The following DLGAP2 variants were observed in gnomAD, a reference collection of about 807,000 sequenced individuals.
DLGAP2 encodes the protein DLG associated protein 2, also known as disks large-associated protein 2.
DLGAP2 carries 26 observed loss-of-function variants against 100.3 expected under a neutral mutation model. That is an observed-to-expected ratio of 0.26 (90% CI 0.19 to 0.36). The LOEUF (loss-of-function observed/expected upper bound fraction) is 0.36, where lower values mean the gene tolerates loss of function less well. DLGAP2 is among the 10% of genes least tolerant of loss of function. DLGAP2 has a pLI of 1.00. For synonymous variants in DLGAP2, 886 were observed against 630.1 expected, an observed-to-expected ratio of 1.41 and a Z score of -6.08; for missense variants, 1,858 against 1,453.2, an observed-to-expected ratio of 1.28 and a Z score of -4.53.
At chr8:1,202,018 T>A (rs1797887186) in intron 2 of DLGAP2, among the ~76,000 whole-genome samples, 1 of 151,484 alleles carries the variant, frequency 6.6e-6, no homozygotes, top group African/African-American at 2.4e-5. Flanking sequence ...CACATGTGTC[T>A]ATGTACATGT....
chr8:830,959 A>G (rs1244461516), intron 1 of DLGAP2, among the ~76,000 whole-genome samples: 2 of 148,252 alleles, frequency 1.3e-5, no homozygotes, highest in Non-Finnish European at 3.0e-5. Flanking sequence ...GCAGTGGCAC[A>G]ATCTCAGCTC....
At chr8:983,747 A>G (rs906582300) in intron 2 of DLGAP2, among the ~76,000 whole-genome samples, 6 of 151,998 alleles carry the variant, frequency 3.9e-5, no homozygotes, top group African/African-American at 1.2e-4. Context: ...GGCTCAAGCA[A>G]TCCTTTCACC....
chr8:1,095,439 G>T (rs986762369), intron 2 of DLGAP2, among the ~76,000 whole-genome samples: 2 of 152,172 alleles, frequency 1.3e-5, no homozygotes, highest in African/African-American at 4.8e-5. Context: ...GGCTGCTTCC[G>T]GTTACACTTG....
chr8:1,546,685 A>T (rs2130506800), intron 4 of DLGAP2, among the ~76,000 whole-genome samples: 1 of 152,254 alleles, frequency 6.6e-6, no homozygotes, highest in East Asian at 1.9e-4. Flanking sequence ...TTTCCCTGGC[A>T]TCCATGTTGC....
intron 1 of DLGAP2, among the ~76,000 whole-genome samples, chr8:890,948 G>A (rs1210507994): frequency 1.3e-5 from 2 of 152,094 alleles, no homozygotes; most frequent in Admixed American, 6.5e-5. Context: ...GCCCCTTACT[G>A]GCTCCCCCTT....
intron 2 of DLGAP2, among the ~76,000 whole-genome samples, chr8:1,242,738 G>A (rs1318934746): frequency 1.3e-5 from 2 of 152,172 alleles, no homozygotes; most frequent in South Asian, 2.1e-4. Context: ...ATGTATGTAT[G>A]GACAGATGGA....
chr8:1,389,955 C>G (rs1316219341), intron 3 of DLGAP2, among the ~76,000 whole-genome samples: 1 of 152,138 alleles, frequency 6.6e-6, no homozygotes, highest in Admixed American at 6.5e-5. Flanking sequence ...ACAGACAGCT[C>G]TCCCTCACAC....
At position 1,375,010 on chromosome 8, in the gene DLGAP2, G is replaced by A. The variant is rs368795759; in HGVS notation, c.106+116127G>A. Among the ~76,000 whole-genome samples, 17 of 152,194 alleles carry A rather than the reference G, an allele frequency of 1.1e-4. No individual in the cohort carries two copies. The East Asian group carries it at 2.7e-3, about 24-fold the overall frequency. ...CGGGGCGCTGTCCTCACTGACAGCAGGTGGTCACTGGGGAGCATGCTACTG... is the reference window on the plus strand; with the variant it reads ...CGGGGCGCTGTCCTCACTGACAGCAAGTGGTCACTGGGGAGCATGCTACTG... On this transcript the variant is annotated intron_variant, in intron 3 of 14. Coordinates refer to ENST00000637795, the MANE Select transcript of DLGAP2 (RefSeq NM_001346810.2).
chr8:1,164,340 G>GCCC (rs141538072), intron 2 of DLGAP2, among the ~76,000 whole-genome samples: 2 of 54,414 alleles, frequency 3.7e-5, no homozygotes, highest in Non-Finnish European at 5.4e-5. Flanking sequence ...TTTTCTGTGA[G>GCCC]CCCGCAGGGC....
At chr8:1,358,102 G>T (rs1801897753) in intron 3 of DLGAP2, among the ~76,000 whole-genome samples, 1 of 152,190 alleles carries the variant, frequency 6.6e-6, no homozygotes, top group Non-Finnish European at 1.5e-5. Flanking sequence ...CCAGGAGGAA[G>T]TTGGGTAGAA....
intron 2 of DLGAP2, among the ~76,000 whole-genome samples, chr8:1,031,179 C>T (rs969443443): frequency 1.3e-5 from 2 of 152,046 alleles, no homozygotes; most frequent in African/African-American, 2.4e-5. Context: ...GTGCCTCACC[C>T]AATACGTACA....
intron 2 of DLGAP2, among the ~76,000 whole-genome samples, chr8:1,049,121 C>G (rs1056191126): frequency 6.6e-6 from 1 of 152,290 alleles, no homozygotes; most frequent in African/African-American, 2.4e-5. Flanking sequence ...CATCTTGTGG[C>G]GGGCACTGTC....
At position 802,108 on chromosome 8, in the gene DLGAP2, A is replaced by ACTCCTCCTGGGCCCTCCGTCCT. The variant is rs1247866417; in HGVS notation, c.18+64284_18+64285insTCCTCCTGGGCCCTCCGTCCTC. On this transcript the variant is annotated intron_variant, in intron 1 of 14. Transcript: ENST00000637795. The stretch of plus-strand genomic sequence containing the variant: ...CCTCACGGCCTGGGGAATGGTCCAC[A>ACTCCTCCTGGGCCCTCCGTCCT]CACCTCCTGGGCCCTCCGTCCTCAC... Among the ~76,000 whole-genome samples, 737 of 135,418 alleles carry ACTCCTCCTGGGCCCTCCGTCCT rather than the reference A, an allele frequency of 5.4e-3. 1 individual carries two copies. Among genetic ancestry groups the ACTCCTCCTGGGCCCTCCGTCCT allele is most frequent in the African/African-American group, 0.01 (366 of 34,976 alleles). The allele number at this position is 135,418 out of a possible 152,430, so 88.8% of individuals were successfully genotyped here. A position where few individuals can be genotyped will look rare whatever the true frequency, so the allele number is the denominator to read the frequency against.
In DLGAP2 at chr8:787,160, A is replaced by C. The variant is rs144469875; in HGVS notation, c.18+49335A>C. 3.1e-3 allele frequency among the ~76,000 whole-genome samples: 470 copies of C among 152,186 alleles called. 13 individuals are homozygous for C. The highest frequency in any genetic ancestry group is 0.029 in the Admixed American group (437 of 15,286). ...TCCCTACCCCTCATTCATTTATCCA[A>C]CTTGATGAATCTTCACCCAGCCTCA... On this transcript the variant is annotated intron_variant, in intron 1 of 14. Coordinates refer to ENST00000637795, the MANE Select transcript of DLGAP2 (RefSeq NM_001346810.2).
intron 5 of DLGAP2, among the ~76,000 whole-genome samples, chr8:1,558,719 C>A (rs1457360082): frequency 6.7e-6 from 1 of 149,864 alleles, no homozygotes; most frequent in East Asian, 2.0e-4. Flanking sequence ...ACACACATTA[C>A]ACATACCCAC....
At chr8:822,586 T>C (rs7462653) in intron 1 of DLGAP2, among the ~76,000 whole-genome samples, 7,035 of 152,324 alleles carry the variant, frequency 0.046, 253 homozygotes, top group African/African-American at 0.097. Context: ...GTGCTCCGAA[T>C]GAATCTGTGC....
chr8:890,574 C>G (rs1226206390), intron 1 of DLGAP2, among the ~76,000 whole-genome samples: 1 of 152,132 alleles, frequency 6.6e-6, no homozygotes, highest in East Asian at 1.9e-4. Context: ...CCCTCCTCCC[C>G]TTCCCTCTGC....
intron 3 of DLGAP2, among the ~76,000 whole-genome samples, chr8:1,281,534 C>T (rs1008353665): frequency 2.0e-5 from 3 of 152,220 alleles, no homozygotes; most frequent in South Asian, 2.1e-4. Context: ...CTGATGTCTC[C>T]TGTGGGGCTC....
chr8:765,477 A>G (rs1244119945), intron 1 of DLGAP2, among the ~76,000 whole-genome samples: 1 of 152,176 alleles, frequency 6.6e-6, no homozygotes, highest in Non-Finnish European at 1.5e-5. Flanking sequence ...TGGAACCAAA[A>G]TAATTATTAA....
Sources: allele counts gnomAD v4.1 joint callset (sites outside exome capture counted in the v4.1 genomes callset), GRCh38; gene constraint gnomAD v4.1.1; transcripts MANE v1.5; gene names NCBI Gene and HGNC (gene_info 2026-07-23, HGNC 2026-07-21).